Variants in KHDRBS1 observed in about 807,000 individuals in gnomAD.
KHDRBS1 encodes the protein KH RNA binding domain containing, signal transduction associated 1.
KHDRBS1 carries 7 observed loss-of-function variants against 48.4 expected under a neutral mutation model. The ratio of observed to expected loss-of-function variants is 0.14; its 90% CI spans 0.08 to 0.27. The LOEUF (loss-of-function observed/expected upper bound fraction) is 0.27, where lower values mean the gene tolerates loss of function less well. Ranked by LOEUF, KHDRBS1 falls within the 10% of genes least tolerant of loss-of-function variation. The pLI is 1.00. For missense variants in KHDRBS1, 458 were observed against 601.2 expected (o/e 0.76, Z 2.49); for synonymous variants, 241 against 235.8 (o/e 1.02, Z -0.20).
At chr1:32,035,988 A>G (rs1052627070) in intron 4 of KHDRBS1, among the ~76,000 whole-genome samples, 7 of 152,082 alleles carry the variant, frequency 4.6e-5, no homozygotes, top group Non-Finnish European at 1.0e-4. Flanking sequence ...TATAAGGACA[A>G]AAAAGCCTGT....
At chr1:32,057,293 C>T (rs1365647400) in intron 10 of KHDRBS1, among the ~76,000 whole-genome samples, 1 of 152,152 alleles carries the variant, frequency 6.6e-6, no homozygotes, top group Non-Finnish European at 1.5e-5. Context: ...TGATCCTCCA[C>T]CTCAGCCTCC....
intron 6 of KHDRBS1, 109 bp from the exon 7 acceptor site, chr1:32,038,443 T>G: frequency 9.4e-7 from 1 of 1,067,338 alleles, no homozygotes; most frequent in South Asian, 1.4e-5. Flanking sequence ...GAGGGAAATG[T>G]CATGTCCTTT....
chr1:32,035,621 T>C (rs1639163576), intron 4 of KHDRBS1, among the ~76,000 whole-genome samples: 1 of 152,228 alleles, frequency 6.6e-6, no homozygotes, highest in Non-Finnish European at 1.5e-5. Context: ...CACAGTGCCG[T>C]AGGAAGAGCA....
intron 1 of KHDRBS1, among the ~76,000 whole-genome samples, chr1:32,028,590 C>A (rs1639021023): frequency 6.7e-6 from 1 of 148,334 alleles, no homozygotes; most frequent in South Asian, 2.1e-4. Context: ...GCAAGCTCTG[C>A]CTCCTGGGTT....
chr1:32,060,634 G>C (rs577087659), exon 11 of KHDRBS1: 1 of 152,146 alleles, frequency 6.6e-6, no homozygotes, highest in Non-Finnish European at 1.5e-5. Context: ...GGTGATCACT[G>C]CCCTTCCATA....
chr1:32,023,979 C>A lies in KHDRBS1; in HGVS notation c.383-6319C>A, dbSNP rs566464431. 1.4e-4 allele frequency among the ~76,000 whole-genome samples: 22 copies of A among 152,312 alleles called. No individual in the cohort carries two copies. The East Asian group carries it at 4.2e-3, about 29-fold the overall frequency. On this transcript the variant is annotated intron_variant, in intron 1 of 8. Coordinates refer to ENST00000327300, the MANE Select transcript of KHDRBS1 (RefSeq NM_006559.3). ...GAAATTAGAAGTTAGAGGCCTGGCG[C>A]GGTGGCTCACGCCTGTAATTCCAGC...
chr1:32,037,935 C>A lies in KHDRBS1; in HGVS notation c.1006C>A (p.Pro336Thr). The A allele has an allele frequency of 6.2e-7, 1 of 1,614,236 alleles. No individual in the cohort carries two copies. The highest frequency in any genetic ancestry group is 8.5e-7 in the Non-Finnish European group (1 of 1,180,036). ...GATVTRGVPP[P>T]PTVRGAPAPR... ...CACTGTGACTCGAGGCGTGCCACCC[C>A]CACCTACTGTGAGGGGTGCTCCAGC... The change falls in exon 6 of 9, where the codon CCA becomes ACA. Residue 336 changes from proline to threonine, a missense_variant. Pro to Thr is a conservative substitution (Grantham distance 38, BLOSUM62 -1). Coordinates refer to ENST00000327300, the MANE Select transcript of KHDRBS1 (RefSeq NM_006559.3).
Position 32,051,193 on chromosome 1 carries a change from C to T in KHDRBS1, n.1301+5803C>T, listed in dbSNP as rs561631921. Among the ~76,000 whole-genome samples the T allele has an allele frequency of 2.6e-5, 4 of 152,332 alleles. No individual in the cohort carries two copies. The South Asian group carries it at 8.3e-4, about 32-fold the overall frequency. On this transcript the variant is annotated intron_variant and non_coding_transcript_variant, in intron 10 of 10. Coordinates refer to the KHDRBS1 transcript ENST00000484270. ...GATTACAGGCGTGAGCCACCGTGCTCGGCCCAAATTCATTCTTTTACATGT... is the reference window on the plus strand; with the variant it reads ...GATTACAGGCGTGAGCCACCGTGCTTGGCCCAAATTCATTCTTTTACATGT...
In KHDRBS1 at chr1:32,021,579, G is replaced by C. The variant is rs529349362; in HGVS notation, c.382+7202G>C. 3.9e-5 allele frequency among the ~76,000 whole-genome samples: 6 copies of C among 152,190 alleles called. No individual in the cohort carries two copies. In the South Asian group the frequency reaches 1.2e-3, roughly 32 times the overall value. On this transcript the variant is annotated intron_variant, in intron 1 of 8. Coordinates refer to ENST00000327300, the MANE Select transcript of KHDRBS1 (RefSeq NM_006559.3). The stretch of plus-strand genomic sequence containing the variant: ...ATTTGGGGATGATAAAGTCATGTGA[G>C]TTGTTTAAGGGAAGTTGAGGGTGTT...
At chr1:32,031,118 G>A (rs952377735) in intron 2 of KHDRBS1, among the ~76,000 whole-genome samples, 9 of 152,098 alleles carry the variant, frequency 5.9e-5, no homozygotes, top group Non-Finnish European at 7.4e-5. Context: ...GTGTTGTGGT[G>A]TGCACCTGTA....
intron 10 of KHDRBS1, among the ~76,000 whole-genome samples, chr1:32,058,969 C>T (rs187561381): frequency 6.6e-5 from 10 of 151,974 alleles, no homozygotes; most frequent in Admixed American, 4.6e-4. Context: ...CCAGCCTGGC[C>T]ATCATGGTGA....
intron 8 of KHDRBS1, among the ~76,000 whole-genome samples, chr1:32,040,134 C>T (rs903139432): frequency 3.3e-5 from 5 of 152,080 alleles, no homozygotes; most frequent in Admixed American, 2.0e-4. Context: ...CCTATTAGGG[C>T]CGGGCGTGGT....
chr1:32,022,889 CAAAAA>C (rs113782158), intron 1 of KHDRBS1, among the ~76,000 whole-genome samples: 3,860 of 126,922 alleles, frequency 0.03, 153 homozygotes, highest in African/African-American at 0.1. Flanking sequence ...GACCCTGTCT[CAAAAA>C]AAAAAAAAGT....
chr1:32,033,526 C>G (rs1639120175), intron 4 of KHDRBS1, among the ~76,000 whole-genome samples, 192 bp downstream of exon 4: 1 of 152,224 alleles, frequency 6.6e-6, no homozygotes, highest in Non-Finnish European at 1.5e-5. Context: ...CAAGGCCACT[C>G]TATCCCTCCT....
chr1:32,060,805 A>G (rs1032803447), exon 11 of KHDRBS1: 1 of 152,182 alleles, frequency 6.6e-6, no homozygotes, highest in Non-Finnish European at 1.5e-5. Context: ...TTTCTCCCCA[A>G]CAAATATCTG....
chr1:32,047,035 G>C (rs1421987451), downstream of KHDRBS1, among the ~76,000 whole-genome samples: 1 of 152,320 alleles, frequency 6.6e-6, no homozygotes, highest in East Asian at 1.9e-4. Flanking sequence ...ACTGTGAACT[G>C]TGCTTGGAAA....
At chr1:32,032,980 G>A (rs377362261) in intron 3 of KHDRBS1, among the ~76,000 whole-genome samples, 7 of 152,144 alleles carry the variant, frequency 4.6e-5, no homozygotes, top group African/African-American at 9.7e-5. Flanking sequence ...GAGCCACCGC[G>A]CCTGGCTGCT....
intron 4 of KHDRBS1, 33 bp from the exon 5 acceptor site, chr1:32,036,877 C>T: frequency 4.4e-6 from 7 of 1,590,048 alleles, no homozygotes; most frequent in Non-Finnish European, 6.0e-6. Context: ...AGTGTAGATA[C>T]CACACAATAC....
rs532689004 is a variant in KHDRBS1 at position 32,038,898 on chromosome 1, A to G, written c.1175+279A>G. Among the ~76,000 whole-genome samples, 15 of 152,334 alleles carry G rather than the reference A, an allele frequency of 9.8e-5. No homozygotes were observed. The South Asian group carries it at 1.2e-3, about 13-fold the overall frequency. ...CTGTGAAGCACACACTTGGATTTGT[A>G]AATCTGGATAACTGTGAACCTTAAA... On this transcript the variant is annotated intron_variant, in intron 7 of 8. Coordinates refer to ENST00000327300, the MANE Select transcript of KHDRBS1 (RefSeq NM_006559.3).
Sources: gnomAD v4.1 joint callset for allele counts (sites outside exome capture counted in the v4.1 genomes callset) on GRCh38, gnomAD v4.1.1 for gene constraint, MANE v1.5 for transcripts, NCBI Gene and HGNC (gene_info 2026-07-23, HGNC 2026-07-21) for gene names.